PGAP1: variants seen among roughly 807,000 people sequenced by gnomAD.
The protein encoded by PGAP1 is GPI inositol-deacylase.
A neutral mutation model predicts 127.0 loss-of-function variants in PGAP1; 76 were observed. The ratio of observed to expected loss-of-function variants is 0.60; its 90% CI spans 0.50 to 0.72. The LOEUF (loss-of-function observed/expected upper bound fraction) is 0.72. PGAP1 is among the 30% of genes least tolerant of loss of function. The probability of loss-of-function intolerance (pLI) is 0.00; values close to 1 mark genes in which losing one functional copy is unlikely to be tolerated. For synonymous variants in PGAP1, 362 were observed against 366.5 expected (o/e 0.99, Z 0.14); for missense variants, 982 against 1,071.3 (o/e 0.92, Z 1.16).
chr2:196,901,375 C>A (rs1432452169), intron 5 of PGAP1, among the ~76,000 whole-genome samples: 2 of 152,042 alleles, frequency 1.3e-5, no homozygotes, highest in Non-Finnish European at 2.9e-5. Flanking sequence ...CAGTAAATAA[C>A]CTATTTAATG....
chr2:196,854,249 T>C (rs1700806829), intron 20 of PGAP1, among the ~76,000 whole-genome samples: 1 of 152,104 alleles, frequency 6.6e-6, no homozygotes, highest in Non-Finnish European at 1.5e-5. Context: ...TCAGATTTTC[T>C]AGTTGGGCCC....
At chr2:196,890,784 CAGTT>C (rs779610625) in intron 10 of PGAP1, 40 bp downstream of exon 10, 9 of 1,115,212 alleles carry the variant, frequency 8.1e-6, no homozygotes, top group Middle Eastern at 2.0e-4. Context: ...AAATGAACAA[CAGTT>C]AGCCTCTTAA....
At chr2:196,875,893 T>C (rs1701553888) in intron 13 of PGAP1, 72 bp from the exon 14 acceptor site, 3 of 768,296 alleles carry the variant, frequency 3.9e-6, no homozygotes, top group Non-Finnish European at 6.5e-6. Flanking sequence ...ACTTGATGTT[T>C]GAGTGGAAAA....
chr2:196,852,428 T>G (rs938216032), intron 20 of PGAP1, among the ~76,000 whole-genome samples: 2 of 152,048 alleles, frequency 1.3e-5, no homozygotes, highest in Non-Finnish European at 2.9e-5. Flanking sequence ...TAAGTGACAG[T>G]TCAAATTACT....
intron 5 of PGAP1, among the ~76,000 whole-genome samples, chr2:196,901,008 C>T (rs763778394): frequency 1.2e-4 from 19 of 152,036 alleles, no homozygotes; most frequent in Non-Finnish European, 2.2e-4. Context: ...CCCATGCCTA[C>T]ACACACACAA....
At chr2:196,849,261 ATTTTT>A (rs747641877) in intron 20 of PGAP1, among the ~76,000 whole-genome samples, 14,211 of 135,846 alleles carry the variant, frequency 0.1, 732 homozygotes, top group African/African-American at 0.18. Flanking sequence ...TGTCAGAATA[ATTTTT>A]TTTTTTTTTT....
At chr2:196,855,781 A>G (rs1700864613) in intron 20 of PGAP1, among the ~76,000 whole-genome samples, 1 of 152,138 alleles carries the variant, frequency 6.6e-6, no homozygotes, top group Non-Finnish European at 1.5e-5. Context: ...TATAAGTCCA[A>G]TAAAAATCTG....
In PGAP1 at chr2:196,835,688, T is replaced by C. The variant is rs1700218925; in HGVS notation, c.*5546A>G. 6.6e-6 allele frequency: 1 copy of C among 152,506 alleles called. No homozygotes were observed. Among genetic ancestry groups the C allele is most frequent in the Admixed American group, 6.5e-5 (1 of 15,280 alleles). The allele number at this position is 152,506 out of a possible 1,614,324, so 9.4% of individuals were successfully genotyped here. ...GCTAAGAAAAGTTCATTGGCACAAA[T>C]ATCCAGAGGTATTTTACAGTTTCAT... is the stretch of plus-strand genomic sequence containing the variant. On this transcript the variant is annotated 3_prime_UTR_variant, in exon 27 of 27. Transcript: ENST00000354764.
intron 2 of PGAP1, among the ~76,000 whole-genome samples, chr2:196,918,669 A>G (rs1322513177): frequency 6.6e-6 from 1 of 152,196 alleles, no homozygotes; most frequent in African/African-American, 2.4e-5. Context: ...AAGTTAAGGA[A>G]ATTACTCTCT....
At chr2:196,875,999 C>A (rs945559562) in intron 13 of PGAP1, among the ~76,000 whole-genome samples, 178 bp from the exon 14 acceptor site, 2 of 152,050 alleles carry the variant, frequency 1.3e-5, no homozygotes, top group Non-Finnish European at 2.9e-5. Context: ...AGGAGAGATA[C>A]TATGCTGAGA....
At chr2:196,917,071 C>A (rs1054103361) in intron 2 of PGAP1, among the ~76,000 whole-genome samples, 1 of 152,174 alleles carries the variant, frequency 6.6e-6, no homozygotes, top group Non-Finnish European at 1.5e-5. Context: ...CCTTCCAAAT[C>A]TATCCCCAGT....
intron 12 of PGAP1, among the ~76,000 whole-genome samples, chr2:196,880,655 A>G (rs1282581736): frequency 1.3e-5 from 2 of 152,222 alleles, no homozygotes; most frequent in East Asian, 1.9e-4. Flanking sequence ...GTCTAATGGC[A>G]TATCTGCACA....
chr2:196,846,887 G>A, intron 22 of PGAP1, 116 bp downstream of exon 22: 1 of 833,268 alleles, frequency 1.2e-6, no homozygotes, highest in Non-Finnish European at 1.8e-6. Flanking sequence ...ACTTTCGCTA[G>A]TTATATATTT....
intron 7 of PGAP1, among the ~76,000 whole-genome samples, chr2:196,895,873 G>T (rs576222908): frequency 2.6e-5 from 4 of 152,080 alleles, no homozygotes; most frequent in African/African-American, 2.4e-5. Flanking sequence ...AAAAATATCC[G>T]GGCTGCAATG....
Position 196,902,674 on chromosome 2 carries a change from C to T in PGAP1, c.718G>A (p.Val240Ile). 1 of 1,612,956 alleles carries T rather than the reference C, an allele frequency of 6.2e-7. No homozygotes were observed. Among genetic ancestry groups the T allele is most frequent in the Non-Finnish European group, 8.5e-7 (1 of 1,179,020 alleles). ...TGGTAATCCCGGAATCCTCCAGCTA[C>T]AGAAAGTGTGGTTAAATTTATGTGT... ...ARHINLTTLSVAGGFRDYQVR... is the reference protein window; with the variant it reads ...ARHINLTTLSIAGGFRDYQVR... Residue 240 changes from valine to isoleucine, a missense_variant, in exon 5 of 27, where the codon GTA becomes ATA. Transcript: ENST00000354764.
Position 196,902,587 on chromosome 2 carries a change from C to T in PGAP1, c.805G>A (p.Val269Met), listed in dbSNP as rs977403311. The T allele has an allele frequency of 1.2e-6, 2 of 1,600,116 alleles. No homozygotes were observed. The highest frequency in any genetic ancestry group is 2.2e-5 in the East Asian group (1 of 44,774). Residue 269 changes from valine to methionine, a missense_variant and splice_region_variant, in exon 5 of 27, where the codon GTG (valine) becomes ATG (methionine). Coordinates refer to ENST00000354764, the MANE Select transcript of PGAP1 (RefSeq NM_024989.4). ...LSHHTSALSV[V>M]SSAVPKTWVS... is the part of the protein sequence containing the mutation. ...ATAGAATCTTAAAAAAAGATTACCA[C>T]AACAGATAAGGCACTGGTATGATGG...
chr2:196,897,362 T>C (rs1281962555), intron 6 of PGAP1, among the ~76,000 whole-genome samples, 165 bp from the exon 7 acceptor site: 6 of 152,222 alleles, frequency 3.9e-5, no homozygotes, highest in Non-Finnish European at 7.3e-5. Flanking sequence ...ATCTTAAATA[T>C]GAAACCTATA....
Position 196,847,932 on chromosome 2 carries a change from G to A in PGAP1, c.1952+15C>T. ...AAACACAATTAAAATCATTATCACA[G>A]ATAATAAAACTTACCCCAACAGAAA... On this transcript the variant is annotated intron_variant, in intron 21 of 26. Coordinates refer to ENST00000354764, the MANE Select transcript of PGAP1 (RefSeq NM_024989.4). The A allele has an allele frequency of 6.7e-7, 1 of 1,485,122 alleles. No individual in the cohort carries two copies. 92.0% of individuals were successfully genotyped at this position (1,485,122 alleles called of 1,614,324 possible). A position where few individuals can be genotyped will look rare whatever the true frequency, so the allele number is the denominator to read the frequency against.
chr2:196,925,863 T>C (rs912875598), intron 1 of PGAP1, among the ~76,000 whole-genome samples: 1 of 152,158 alleles, frequency 6.6e-6, no homozygotes, highest in Non-Finnish European at 1.5e-5. Context: ...AGAGGGGATC[T>C]AGTTTCCAAT....
Sources: gnomAD v4.1 joint callset for allele counts (sites outside exome capture counted in the v4.1 genomes callset) on GRCh38, gnomAD v4.1.1 for gene constraint, MANE v1.5 for transcripts, NCBI Gene and HGNC (gene_info 2026-07-23, HGNC 2026-07-21) for gene names.